MAP2: variants seen among roughly 807,000 people sequenced by gnomAD.
MAP2 encodes microtubule-associated protein 2.
A neutral mutation model predicts 137.6 loss-of-function variants in MAP2; 14 were observed. That is an observed-to-expected ratio of 0.10 (90% CI 0.07 to 0.16). The LOEUF is 0.16. Ranked by LOEUF, MAP2 falls within the 10% of genes least tolerant of loss-of-function variation. MAP2 has a pLI of 1.00. For missense variants in MAP2, 2,088 were observed against 2,191.5 expected (o/e 0.95, Z 0.94); for synonymous variants, 786 against 782.3 (o/e 1.00, Z -0.08).
chr2:209,502,753 T>G (rs1454674117), intron 1 of MAP2, among the ~76,000 whole-genome samples: 1 of 152,168 alleles, frequency 6.6e-6, no homozygotes, highest in Non-Finnish European at 1.5e-5. Flanking sequence ...ACACTTATTT[T>G]TTATCTTCTT....
intron 1 of MAP2, among the ~76,000 whole-genome samples, chr2:209,495,981 T>C (rs1245269210): frequency 6.6e-6 from 1 of 152,224 alleles, no homozygotes; most frequent in Non-Finnish European, 1.5e-5. Context: ...TTTCCCAGCA[T>C]GTAACTGGCC....
intron 1 of MAP2, among the ~76,000 whole-genome samples, chr2:209,447,433 G>A (rs919554249): frequency 6.6e-6 from 1 of 151,888 alleles, no homozygotes; most frequent in African/African-American, 2.4e-5. Flanking sequence ...GTTTTGCTAG[G>A]GATAAAATGT....
chr2:209,616,884 T>C (rs1226165396), intron 3 of MAP2, among the ~76,000 whole-genome samples: 2 of 152,132 alleles, frequency 1.3e-5, no homozygotes, highest in Non-Finnish European at 2.9e-5. Context: ...TAGGCAGCCA[T>C]GTAGAAATAT....
intron 2 of MAP2, among the ~76,000 whole-genome samples, chr2:209,536,866 C>T (rs962659592): frequency 1.3e-5 from 2 of 152,038 alleles, no homozygotes; most frequent in African/African-American, 4.8e-5. Context: ...TCATCTTCAC[C>T]CTTTGTTTCA....
intron 1 of MAP2, among the ~76,000 whole-genome samples, chr2:209,431,956 T>C (rs1694393591): frequency 6.6e-6 from 1 of 152,146 alleles, no homozygotes; most frequent in African/African-American, 2.4e-5. Context: ...GCCATTCCTG[T>C]GGTTTGGATC....
chr2:209,705,196 T>C (rs1229193240), intron 11 of MAP2, among the ~76,000 whole-genome samples: 1 of 152,082 alleles, frequency 6.6e-6, no homozygotes, highest in Non-Finnish European at 1.5e-5. Flanking sequence ...ATGGTAATGG[T>C]CATTGTTAGA....
At chr2:209,708,450 C>G (rs2300154) in intron 12 of MAP2, among the ~76,000 whole-genome samples, 18,120 of 152,114 alleles carry the variant, frequency 0.12, 1,393 homozygotes, top group East Asian at 0.22. Flanking sequence ...AAGTAAAATT[C>G]TTCTGTGTTT....
chr2:209,639,837 G>A (rs1337326480), intron 4 of MAP2, among the ~76,000 whole-genome samples: 1 of 151,768 alleles, frequency 6.6e-6, no homozygotes, highest in African/African-American at 2.4e-5. Context: ...GCCACACACT[G>A]TACTTGGTGC....
chr2:209,440,447 C>T (rs570432706), intron 1 of MAP2, among the ~76,000 whole-genome samples: 14 of 151,342 alleles, frequency 9.3e-5, no homozygotes, highest in Non-Finnish European at 1.9e-4. Flanking sequence ...CTTATAACAC[C>T]GCCCTCTTAT....
intron 1 of MAP2, among the ~76,000 whole-genome samples, chr2:209,430,649 G>A (rs1050220665): frequency 2.0e-5 from 3 of 152,136 alleles, no homozygotes; most frequent in Non-Finnish European, 4.4e-5. Flanking sequence ...TAAATCTTGT[G>A]CTCAAAATTA....
chr2:209,683,819 T>C (rs935825058), intron 7 of MAP2, among the ~76,000 whole-genome samples: 11 of 152,226 alleles, frequency 7.2e-5, no homozygotes, highest in African/African-American at 2.7e-4. Context: ...AAAGCTCTTT[T>C]GTTAGATTAA....
intron 1 of MAP2, among the ~76,000 whole-genome samples, chr2:209,476,985 T>A (rs1422428464): frequency 6.6e-6 from 1 of 152,200 alleles, no homozygotes. Flanking sequence ...TTTTTCTTTT[T>A]AAACAAGGCC....
At position 209,696,985 on chromosome 2, in the gene MAP2, A is replaced by G. The variant is rs2060334682; in HGVS notation, c.4456A>G (p.Ile1486Val). 4 of 1,613,422 alleles carry G rather than the reference A, an allele frequency of 2.5e-6. No individual in the cohort carries two copies. Among genetic ancestry groups the G allele is most frequent in the African/African-American group, 2.7e-5 (2 of 74,914 alleles). The part of the protein sequence containing the change: ...VQAHSPSRKF[I>V]LKPAIKYTRP... ...GGCCCACTCTCCCTCCAGGAAATTC[A>G]TTTTAAAACCTGCTATCAAATATAC... Residue 1486 changes from isoleucine to valine, a missense_variant, in exon 10 of 16, where the codon ATT (isoleucine) becomes GTT (valine). Ile to Val is a conservative substitution (Grantham distance 29). This residue lies in a region of MAP2 where 591 missense variants were observed against 642.6 expected (regional missense o/e 0.92). Transcript: ENST00000682079.
At chr2:209,615,682 C>T (rs567072994) in intron 3 of MAP2, among the ~76,000 whole-genome samples, 33 of 152,208 alleles carry the variant, frequency 2.2e-4, no homozygotes, top group African/African-American at 6.3e-4. Context: ...GGCAGGTCCC[C>T]GGTGAAACGC....
At chr2:209,685,113 G>A (rs1488093714) in intron 7 of MAP2, among the ~76,000 whole-genome samples, 1 of 152,080 alleles carries the variant, frequency 6.6e-6, no homozygotes, top group African/African-American at 2.4e-5. Context: ...TATGTCTGGA[G>A]AAGTGGCTTA....
intron 1 of MAP2, among the ~76,000 whole-genome samples, chr2:209,496,913 A>G (rs2059813062): frequency 6.6e-6 from 1 of 151,980 alleles, no homozygotes; most frequent in Non-Finnish European, 1.5e-5. Context: ...CCCAGTAGCT[A>G]GGACTACAGG....
intron 4 of MAP2, among the ~76,000 whole-genome samples, chr2:209,631,034 A>AAGAG (rs869180815): frequency 5.0e-5 from 5 of 100,662 alleles, no homozygotes; most frequent in Admixed American, 9.4e-5. Context: ...AAAAAAAAAA[A>AAGAG]AGAGAGAGAG....
chr2:209,701,354 T>G (rs911664215), intron 11 of MAP2, among the ~76,000 whole-genome samples: 9 of 151,936 alleles, frequency 5.9e-5, no homozygotes, highest in African/African-American at 2.2e-4. Flanking sequence ...TTTCTATTTT[T>G]TCTGTGAATT....
intron 2 of MAP2, among the ~76,000 whole-genome samples, chr2:209,539,402 G>A (rs745432852): frequency 1.3e-5 from 2 of 152,148 alleles, no homozygotes; most frequent in Non-Finnish European, 2.9e-5. Flanking sequence ...TATGACATGA[G>A]TCAGAACAGC....
Sources: allele counts gnomAD v4.1 joint callset (sites outside exome capture counted in the v4.1 genomes callset), GRCh38; gene constraint gnomAD v4.1.1; regional missense constraint gnomAD v4.1.1; transcripts MANE v1.5; gene names NCBI Gene and HGNC (gene_info 2026-07-23, HGNC 2026-07-21).